The following MAGI3 variants were observed in gnomAD, a reference collection of about 807,000 sequenced individuals.
MAGI3 encodes the protein membrane-associated guanylate kinase, WW and PDZ domain-containing protein 3.
MAGI3 carries 43 observed loss-of-function variants against 121.8 expected under a neutral mutation model. The observed-to-expected ratio is 0.35, with a 90% CI of 0.28 to 0.46. MAGI3 has a LOEUF of 0.46. Among genes scored for constraint, MAGI3 ranks in the 20% least tolerant of loss-of-function variants. MAGI3 has a pLI of 1.00. For missense variants in MAGI3, 1,547 were observed against 1,797.3 expected (o/e 0.86, Z 2.52); for synonymous variants, 553 against 639.3 (o/e 0.86, Z 2.04).
chr1:113,595,493 A>T (rs970249806), intron 6 of MAGI3, among the ~76,000 whole-genome samples: 13 of 151,064 alleles, frequency 8.6e-5, no homozygotes, highest in Admixed American at 5.9e-4. Flanking sequence ...TGAGGTTCAC[A>T]GTAGTCCTCC....
intron 2 of MAGI3, among the ~76,000 whole-genome samples, chr1:113,555,439 A>T (rs1557820718): frequency 6.6e-6 from 1 of 152,192 alleles, no homozygotes. Flanking sequence ...GTAATAGAAA[A>T]CATGAACAGT....
chr1:113,409,913 A>G (rs1651888393), intron 1 of MAGI3, among the ~76,000 whole-genome samples: 1 of 152,180 alleles, frequency 6.6e-6, no homozygotes, highest in African/African-American at 2.4e-5. Flanking sequence ...GACCCCAAAT[A>G]ACAGAATTTC....
At chr1:113,425,140 CAA>C (rs974026118) in intron 1 of MAGI3, among the ~76,000 whole-genome samples, 2 of 151,770 alleles carry the variant, frequency 1.3e-5, no homozygotes, top group Non-Finnish European at 2.9e-5. Context: ...GCCTGGGCAA[CAA>C]GAGCAAAACT....
chr1:113,511,657 C>T (rs1657620581), intron 1 of MAGI3, among the ~76,000 whole-genome samples: 1 of 152,166 alleles, frequency 6.6e-6, no homozygotes, highest in African/African-American at 2.4e-5. Context: ...AGTTAATTTC[C>T]ATGTATTAAC....
intron 1 of MAGI3, among the ~76,000 whole-genome samples, chr1:113,392,523 G>A (rs1026697260): frequency 2.6e-5 from 4 of 152,172 alleles, no homozygotes; most frequent in African/African-American, 9.7e-5. Context: ...TAGTCCTTGA[G>A]CTTAATGGGG....
At chr1:113,519,345 A>G (rs1185917219) in intron 1 of MAGI3, among the ~76,000 whole-genome samples, 1 of 152,220 alleles carries the variant, frequency 6.6e-6, no homozygotes, top group Non-Finnish European at 1.5e-5. Context: ...ACTACTGGAT[A>G]GAAGTAATTA....
intron 1 of MAGI3, among the ~76,000 whole-genome samples, chr1:113,533,541 A>G (rs754282065): frequency 2.0e-5 from 3 of 152,152 alleles, no homozygotes; most frequent in Non-Finnish European, 4.4e-5. Flanking sequence ...GTGTCACTCA[A>G]TTTACCCATG....
intron 2 of MAGI3, among the ~76,000 whole-genome samples, chr1:113,559,567 C>CTTTTTTT (rs200737453): frequency 3.3e-5 from 5 of 150,598 alleles, no homozygotes; most frequent in African/African-American, 7.3e-5. Flanking sequence ...CATAAAGTTC[C>CTTTTTTT]TTTTTTTTGT....
At chr1:113,442,511 A>G (rs969642621) in intron 1 of MAGI3, among the ~76,000 whole-genome samples, 5 of 152,056 alleles carry the variant, frequency 3.3e-5, no homozygotes, top group Non-Finnish European at 5.9e-5. Context: ...TGCAAAAAAA[A>G]TTGGTTAACC....
At chr1:113,402,498 A>G (rs1465075837) in intron 1 of MAGI3, among the ~76,000 whole-genome samples, 1 of 152,062 alleles carries the variant, frequency 6.6e-6, no homozygotes, top group African/African-American at 2.4e-5. Context: ...ATTCTTCACA[A>G]TGCTTTCAGT....
chr1:113,441,697 C>T (rs1357562212), intron 1 of MAGI3, among the ~76,000 whole-genome samples: 1 of 152,122 alleles, frequency 6.6e-6, no homozygotes, highest in Non-Finnish European at 1.5e-5. Context: ...TAGAGTAATA[C>T]ACACTCATCC....
At chr1:113,397,335 C>A (rs973048332) in intron 1 of MAGI3, among the ~76,000 whole-genome samples, 1 of 152,068 alleles carries the variant, frequency 6.6e-6, no homozygotes, top group African/African-American at 2.4e-5. Flanking sequence ...TCCACGCCAT[C>A]TGCCCTTGTT....
chr1:113,649,910 C>T (rs2101834651), intron 13 of MAGI3, among the ~76,000 whole-genome samples: 1 of 152,320 alleles, frequency 6.6e-6, no homozygotes, highest in South Asian at 2.1e-4. Flanking sequence ...TTTGTTTACA[C>T]ATGATTCTCA....
intron 1 of MAGI3, among the ~76,000 whole-genome samples, chr1:113,480,373 C>T (rs908305133): frequency 1.3e-5 from 2 of 151,878 alleles, no homozygotes; most frequent in African/African-American, 2.4e-5. Flanking sequence ...GGGAGTTCTA[C>T]AGTTAAGGGC....
intron 2 of MAGI3, among the ~76,000 whole-genome samples, chr1:113,555,554 A>T (rs755064226): frequency 2.6e-5 from 4 of 152,174 alleles, no homozygotes; most frequent in Non-Finnish European, 5.9e-5. Context: ...ACAAATATAG[A>T]CCATATTCTG....
intron 1 of MAGI3, among the ~76,000 whole-genome samples, chr1:113,479,674 C>A (rs995020107): frequency 6.6e-6 from 1 of 152,046 alleles, no homozygotes; most frequent in Non-Finnish European, 1.5e-5. Context: ...ATCATTATTT[C>A]TTTAAATAAA....
chr1:113,515,162 A>C (rs1448958481), intron 1 of MAGI3, among the ~76,000 whole-genome samples: 1 of 152,140 alleles, frequency 6.6e-6, no homozygotes, highest in Non-Finnish European at 1.5e-5. Flanking sequence ...AAAATGGTAA[A>C]AAAAAATTTT....
intron 20 of MAGI3, chr1:113,682,380 A>G: frequency 6.7e-7 from 1 of 1,492,704 alleles, no homozygotes; most frequent in Non-Finnish European, 8.9e-7. Context: ...AAATACATCT[A>G]TTTCTATCTT....
At chr1:113,451,550 A>G (rs945195973) in intron 1 of MAGI3, among the ~76,000 whole-genome samples, 1 of 152,136 alleles carries the variant, frequency 6.6e-6, no homozygotes, top group Non-Finnish European at 1.5e-5. Context: ...AAAATGTCCT[A>G]AGGAAGATCA....
Sources: gnomAD v4.1 joint callset for allele counts (sites outside exome capture counted in the v4.1 genomes callset) on GRCh38, gnomAD v4.1.1 for gene constraint, MANE v1.5 for transcripts, NCBI Gene and HGNC (gene_info 2026-07-23, HGNC 2026-07-21) for gene names.